The following SCARA3 variants were observed in gnomAD, a reference collection of about 807,000 sequenced individuals.
The protein encoded by SCARA3 is cellular stress response gene protein.
In SCARA3, 39 loss-of-function variants were observed where a neutral mutation model predicts 47.0. The ratio of observed to expected loss-of-function variants is 0.83; its 90% CI spans 0.64 to 1.08. The LOEUF is 1.08. SCARA3 is among the 50% of genes least tolerant of loss of function. The probability of loss-of-function intolerance (pLI) is 0.00; values close to 1 mark genes in which losing one functional copy is unlikely to be tolerated. For missense variants in SCARA3, 724 were observed against 792.3 expected (o/e 0.91, Z 1.04); for synonymous variants, 356 against 334.1 (o/e 1.07, Z -0.71).
intron 1 of SCARA3, among the ~76,000 whole-genome samples, chr8:27,637,645 C>A (rs928808742): frequency 6.6e-6 from 1 of 152,034 alleles, no homozygotes. Flanking sequence ...CCCCGAGAGA[C>A]TTCTGCTTGA....
chr8:27,696,807 G>A, the SCARA3 span, among the ~76,000 whole-genome samples: 1 of 151,996 alleles, frequency 6.6e-6, no homozygotes, highest in African/African-American at 2.4e-5. Flanking sequence ...CATATTTTAT[G>A]ATTCTATTTA....
At chr8:27,688,391 G>T in the SCARA3 span, among the ~76,000 whole-genome samples, 1 of 148,724 alleles carries the variant, frequency 6.7e-6, no homozygotes, top group East Asian at 2.0e-4. Context: ...GGAAGTCCTT[G>T]ATATTGGCAA....
Position 27,672,037 on chromosome 8 carries a change from T to C in SCARA3, c.*686T>C. ...GGTTGAAAAGCCCCAAGGAAACCTTTGCGGGTGGGGCGTTACTGCCAAAAC... is the reference window on the plus strand; with the variant it reads ...GGTTGAAAAGCCCCAAGGAAACCTTCGCGGGTGGGGCGTTACTGCCAAAAC... On this transcript the variant is annotated 3_prime_UTR_variant, in exon 6 of 6. Transcript: ENST00000301904. 1 of 985,354 alleles carries C rather than the reference T, an allele frequency of 1.0e-6. No individual in the cohort carries two copies. Among genetic ancestry groups the C allele is most frequent in the Non-Finnish European group, 1.2e-6 (1 of 829,934 alleles). The allele number at this position is 985,354 out of a possible 1,614,324, so 61.0% of individuals were successfully genotyped here. A position where few individuals can be genotyped will look rare whatever the true frequency, so the allele number is the denominator to read the frequency against.
At chr8:27,660,152 C>T (rs1017900629) in intron 5 of SCARA3, among the ~76,000 whole-genome samples, 2 of 152,102 alleles carry the variant, frequency 1.3e-5, no homozygotes, top group Non-Finnish European at 2.9e-5. Flanking sequence ...TCTCATCCCC[C>T]TCATGTCTTC....
intron 1 of SCARA3, among the ~76,000 whole-genome samples, chr8:27,647,909 A>G (rs919008356): frequency 6.6e-6 from 1 of 152,176 alleles, no homozygotes; most frequent in African/African-American, 2.4e-5. Flanking sequence ...TCCTATGTTG[A>G]TCACAATGGC....
At chr8:27,639,471 A>G (rs1326231703) in intron 1 of SCARA3, among the ~76,000 whole-genome samples, 2 of 152,044 alleles carry the variant, frequency 1.3e-5, no homozygotes, top group Admixed American at 1.3e-4. Flanking sequence ...GAGGGCAGGA[A>G]GGAGTGCTGG....
intron 2 of SCARA3, 137 bp downstream of exon 2, chr8:27,649,937 G>A: frequency 1.4e-6 from 1 of 699,896 alleles, no homozygotes; most frequent in Non-Finnish European, 2.4e-6. Flanking sequence ...TTCCTGGATG[G>A]TGAAAGGGCA....
At chr8:27,714,023 G>A in the SCARA3 span, among the ~76,000 whole-genome samples, 3 of 151,952 alleles carry the variant, frequency 2.0e-5, no homozygotes, top group South Asian at 2.1e-4. Flanking sequence ...TCTTGCTCCC[G>A]CTTTTACCAC....
At chr8:27,676,215 C>G (rs1382085352), downstream of SCARA3, among the ~76,000 whole-genome samples, 8 of 152,306 alleles carry the variant, frequency 5.3e-5, no homozygotes, top group East Asian at 1.4e-3. Context: ...GTGTTTGCAT[C>G]TGAGATTGCT....
the SCARA3 span, among the ~76,000 whole-genome samples, chr8:27,708,637 G>A: frequency 6.1e-4 from 92 of 151,660 alleles, no homozygotes; most frequent in South Asian, 2.7e-3. Context: ...GTGGGTTAGC[G>A]GACAGTTTCA....
intron 1 of SCARA3, among the ~76,000 whole-genome samples, chr8:27,640,580 A>G (rs145991474): frequency 1.4e-5 from 2 of 147,936 alleles, no homozygotes; most frequent in Non-Finnish European, 3.0e-5. Flanking sequence ...AAGTCTCGCT[A>G]TGTTGCCCAG....
At chr8:27,692,602 T>G in the SCARA3 span, among the ~76,000 whole-genome samples, 5 of 152,186 alleles carry the variant, frequency 3.3e-5, no homozygotes, top group Non-Finnish European at 7.4e-5. Context: ...TAGAGAATCT[T>G]CTTTCCTTTC....
intron 1 of SCARA3, among the ~76,000 whole-genome samples, chr8:27,647,329 A>C (rs1217883328): frequency 6.6e-6 from 1 of 152,178 alleles, no homozygotes; most frequent in African/African-American, 2.4e-5. Flanking sequence ...AGTTGTAGGG[A>C]TCAAATGGGA....
intron 3 of SCARA3, among the ~76,000 whole-genome samples, chr8:27,653,349 G>A (rs909420480): frequency 1.1e-4 from 17 of 152,202 alleles, no homozygotes; most frequent in Non-Finnish European, 2.2e-4. Flanking sequence ...CTGGGAAGGG[G>A]ACAGGATTTG....
At chr8:27,691,673 C>A in the SCARA3 span, among the ~76,000 whole-genome samples, 7 of 152,196 alleles carry the variant, frequency 4.6e-5, 1 homozygote, top group African/African-American at 1.7e-4. Context: ...CTCCTGACTT[C>A]ATCCTCAATC....
intron 5 of SCARA3, among the ~76,000 whole-genome samples, chr8:27,666,172 C>A (rs543795230): frequency 5.3e-5 from 8 of 152,322 alleles, no homozygotes; most frequent in Admixed American, 2.6e-4. Flanking sequence ...AGTTTTTGTT[C>A]TCTCAGCCCT....
At chr8:27,676,027 C>T (rs879413051), downstream of SCARA3, among the ~76,000 whole-genome samples, 5 of 152,156 alleles carry the variant, frequency 3.3e-5, no homozygotes, top group Non-Finnish European at 5.9e-5. Context: ...TATATAATTT[C>T]AATTAATCTT....
chr8:27,722,058 C>T, the SCARA3 span, among the ~76,000 whole-genome samples: 1 of 152,122 alleles, frequency 6.6e-6, no homozygotes, highest in South Asian at 2.1e-4. Flanking sequence ...TCACTGTGCC[C>T]CAGCCTAGGC....
At chr8:27,680,239 T>C (rs1172323227), downstream of SCARA3, among the ~76,000 whole-genome samples, 1 of 151,158 alleles carries the variant, frequency 6.6e-6, no homozygotes, top group African/African-American at 2.4e-5. Context: ...CCAGAATCAA[T>C]AAAATAGAAA....
Sources: gnomAD v4.1 joint callset for allele counts (sites outside exome capture counted in the v4.1 genomes callset) on GRCh38, gnomAD v4.1.1 for gene constraint, MANE v1.5 for transcripts, NCBI Gene and HGNC (gene_info 2026-07-23, HGNC 2026-07-21) for gene names.